Variants in CAPN1 observed in about 807,000 individuals in gnomAD.
The protein encoded by CAPN1 is calpain 1, also known as calpain-1 catalytic subunit.
A neutral mutation model predicts 105.2 loss-of-function variants in CAPN1; 77 were observed. That is an observed-to-expected ratio of 0.73 (90% CI 0.61 to 0.88). The LOEUF (loss-of-function observed/expected upper bound fraction) is 0.88, where lower values mean the gene tolerates loss of function less well. CAPN1 is among the 40% of genes least tolerant of loss of function. CAPN1 has a pLI of 0.00. For synonymous variants in CAPN1, 355 were observed against 388.8 expected (o/e 0.91, Z 1.02); for missense variants, 833 against 976.6 (o/e 0.85, Z 1.96).
intron 11 of CAPN1, among the ~76,000 whole-genome samples, chr11:65,205,245 C>T (rs915122879): frequency 6.6e-6 from 1 of 152,178 alleles, no homozygotes; most frequent in Non-Finnish European, 1.5e-5. Context: ...GCCTGTCGGC[C>T]AAGGTGAGGC....
chr11:65,194,761 GA>G lies in CAPN1; in HGVS notation c.1165+6016del, dbSNP rs1207821204. Among the ~76,000 whole-genome samples, 743 of 152,220 alleles carry G rather than the reference GA, an allele frequency of 4.9e-3. 8 individuals carry two copies. Among genetic ancestry groups the G allele is most frequent in the African/African-American group, 0.017 (717 of 41,508 alleles). ...TGATATGGATATACCACATTTTGCT[GA>G]TTCATTCATCAGTTGATGGACATTT... On this transcript the variant is annotated intron_variant, in intron 10 of 21. Transcript: ENST00000279247.
At chr11:65,195,370 C>T (rs1396807442) in intron 10 of CAPN1, among the ~76,000 whole-genome samples, 1 of 152,158 alleles carries the variant, frequency 6.6e-6, no homozygotes. Context: ...TCGTGATCTG[C>T]CCACGTCAGC....
rs147218993 is a variant in CAPN1 at position 65,186,356 on chromosome 11, C to T, written c.759+18C>T. ...CCATAGACGTGAGTGTGCCCGGCCC[C>T]GATGCTTTGGTACCCTGGAACCCTG... On this transcript the variant is annotated intron_variant, in intron 6 of 21. Coordinates refer to ENST00000279247, the MANE Select transcript of CAPN1 (RefSeq NM_005186.4). The T allele has an allele frequency of 3.9e-4, 618 of 1,599,070 alleles. 5 individuals are homozygous for T. In the East Asian group the frequency reaches 0.012, roughly 31 times the overall value.
rs73480945 is a variant in CAPN1 at position 65,204,295 on chromosome 11, G to C, written c.1166-388G>C. On this transcript the variant is annotated intron_variant, in intron 10 of 21. Coordinates refer to ENST00000279247, the MANE Select transcript of CAPN1 (RefSeq NM_005186.4). ...CCTAGAGCCTCCGTAAGTGCTCCCT[G>C]TCCGCAGATGCGTGGGGCCCTTCCT... Among the ~76,000 whole-genome samples, 461 of 152,230 alleles carry C rather than the reference G, an allele frequency of 3.0e-3. 1 individual carries two copies. The highest frequency in any genetic ancestry group is 9.7e-3 in the African/African-American group (403 of 41,532).
At position 65,210,175 on chromosome 11, in the gene CAPN1, C is replaced by T; in HGVS notation, c.1942+79C>T. ...GCTCCTATGCCCCAGGCCCTTGTCCCTGGGGTGCTAGTGGTGACATGGTAA... is the reference window on the plus strand; with the variant it reads ...GCTCCTATGCCCCAGGCCCTTGTCCTTGGGGTGCTAGTGGTGACATGGTAA... On this transcript the variant is annotated intron_variant, in intron 19 of 21. Transcript: ENST00000279247. The surrounding 1 kb of genome is among the most constrained non-coding windows in gnomAD (Gnocchi z 4.3). The T allele has an allele frequency of 2.3e-6, 3 of 1,278,050 alleles. No individual in the cohort carries two copies. The highest frequency in any genetic ancestry group is 1.9e-4 in the Middle Eastern group (1 of 5,242). 79.2% of individuals were successfully genotyped at this position (1,278,050 alleles called of 1,614,324 possible). A position where few individuals can be genotyped will look rare whatever the true frequency, so the allele number is the denominator to read the frequency against.
At chr11:65,190,401 C>T (rs993347598) in intron 10 of CAPN1, among the ~76,000 whole-genome samples, 26 of 152,336 alleles carry the variant, frequency 1.7e-4, no homozygotes, top group Admixed American at 5.2e-4. Context: ...GCTCCCTGCC[C>T]TCTGTTTTGA....
In CAPN1 at chr11:65,209,612, C is replaced by T; in HGVS notation, c.1794+225C>T. The T allele has an allele frequency of 1.6e-6, 1 of 633,680 alleles. No homozygotes were observed. 39.3% of individuals were successfully genotyped at this position (633,680 alleles called of 1,614,324 possible). ...TGAAAGGTGGAGCAAGACCTGGGTC[C>T]CCATTGACCCTGAGGCTGGTGCTAT... On this transcript the variant is annotated intron_variant, in intron 17 of 21. Transcript: ENST00000279247. This position sits in a 1 kb window ranked among gnomAD's most constrained non-coding sequence, Gnocchi z 4.1.
intron 10 of CAPN1, among the ~76,000 whole-genome samples, chr11:65,191,242 C>T (rs113671039): frequency 0.044 from 6,757 of 152,170 alleles, 164 homozygotes; most frequent in African/African-American, 0.048. Context: ...AGAATTTATA[C>T]ATCTCTTGAG....
At chr11:65,187,808 C>T in intron 7 of CAPN1, 147 bp from the exon 8 acceptor site, 1 of 602,418 alleles carries the variant, frequency 1.7e-6, no homozygotes. Context: ...AATTGAATTG[C>T]TTGAACCCAG....
chr11:65,188,750 C>T lies in CAPN1; in HGVS notation c.1165+4C>T, dbSNP rs1590852055. ...GGGGGCTGCCGAAACTACCCAGGTG[C>T]ACAGGGGCGGGCTCTGGGTCTTGCT... is the stretch of plus-strand genomic sequence containing the variant. On this transcript the variant is annotated splice_donor_region_variant and intron_variant, in intron 10 of 21. Transcript: ENST00000279247. The surrounding 1 kb of genome is among the most constrained non-coding windows in gnomAD (Gnocchi z 5.5). 1.3e-6 allele frequency: 2 copies of T among 1,556,194 alleles called. No homozygotes were observed. Among genetic ancestry groups the T allele is most frequent in the Non-Finnish European group, 1.7e-6 (2 of 1,149,908 alleles).
chr11:65,188,324 G>GA lies in CAPN1; in HGVS notation c.930-90_930-89insA. ...TGAGGAGGCCACCTGGGCTGGGCCG[G>GA]GGGAAGACAGGCCAGGGTAGACAGG... On this transcript the variant is annotated intron_variant, in intron 8 of 21. Coordinates refer to ENST00000279247, the MANE Select transcript of CAPN1 (RefSeq NM_005186.4). This position sits in a 1 kb window ranked among gnomAD's most constrained non-coding sequence, Gnocchi z 5.5. The GA allele has an allele frequency of 1.6e-6, 2 of 1,223,396 alleles. No homozygotes were observed. The highest frequency in any genetic ancestry group is 2.3e-6 in the Non-Finnish European group (2 of 859,852). 75.8% of individuals were successfully genotyped at this position (1,223,396 alleles called of 1,614,324 possible). A position where few individuals can be genotyped will look rare whatever the true frequency, so the allele number is the denominator to read the frequency against.
intron 4 of CAPN1, among the ~76,000 whole-genome samples, chr11:65,185,168 C>G (rs1466173838): frequency 6.6e-6 from 1 of 151,886 alleles, no homozygotes; most frequent in Non-Finnish European, 1.5e-5. Flanking sequence ...AGCGTGGGGT[C>G]GGGAACCACA....
intron 10 of CAPN1, among the ~76,000 whole-genome samples, chr11:65,194,151 A>G (rs1359584838): frequency 6.6e-6 from 1 of 151,520 alleles, no homozygotes; most frequent in African/African-American, 2.4e-5. Flanking sequence ...TATTTTTAGT[A>G]GATACCAGGT....
In CAPN1 at chr11:65,182,870, C is replaced by T. The variant is rs770891480; in HGVS notation, c.169C>T (p.Arg57Cys). Residue 57 changes from arginine (R) to cysteine (C), a missense_variant, in exon 2 of 22, where the codon CGT becomes TGT. Physicochemically the swap from Arg to Cys is radical, Grantham distance 180. Coordinates refer to ENST00000279247, the MANE Select transcript of CAPN1 (RefSeq NM_005186.4). ...ATGCCTGCAGAGTGGGACCCTCTTC[C>T]GTGATGAGGCCTTCCCCCCGGTACC... Reference protein sequence around the residue: ...VRCLQSGTLFRDEAFPPVPQS... With the variant: ...VRCLQSGTLFCDEAFPPVPQS... 4 of 1,602,434 alleles carry T rather than the reference C, an allele frequency of 2.5e-6. No individual in the cohort carries two copies. Among genetic ancestry groups the T allele is most frequent in the East Asian group, 2.3e-5 (1 of 44,236 alleles).
rs1948680703 is a variant in CAPN1, at chr11:65,188,840, A to G, written c.1165+94A>G. ...CTGAGCCTCCGTTTCCTCACTTGCA[A>G]GATATAGGCTGATCTCTTGAATTTG... On this transcript the variant is annotated intron_variant, in intron 10 of 21. Transcript: ENST00000279247. The surrounding 1 kb of genome is among the most constrained non-coding windows in gnomAD (Gnocchi z 5.5). The G allele has an allele frequency of 2.9e-6, 3 of 1,019,546 alleles. No individual in the cohort carries two copies. The highest frequency in any genetic ancestry group is 4.3e-6 in the Non-Finnish European group (3 of 701,166). The allele number at this position is 1,019,546 out of a possible 1,614,324, so 63.2% of individuals were successfully genotyped here.
Position 65,204,682 on chromosome 11 carries a change from G to C in CAPN1, c.1166-1G>C. ...ATCCCCGCCTCCTCACCTGCCCGCA[G>C]CCACCTTCTGGGTGAACCCTCAGTT... On this transcript the variant is annotated splice_acceptor_variant, in intron 10 of 21. Transcript: ENST00000279247. LOFTEE classifies it high-confidence loss of function. The C allele has an allele frequency of 1.9e-6, 3 of 1,605,492 alleles. No individual in the cohort carries two copies. The highest frequency in any genetic ancestry group is 2.6e-6 in the Non-Finnish European group (3 of 1,173,502).
At chr11:65,182,234 G>A (rs1157813194) in intron 1 of CAPN1, 1 of 160,922 alleles carries the variant, frequency 6.2e-6, no homozygotes, top group Non-Finnish European at 1.4e-5. Context: ...AGCCTGCTGC[G>A]GGGGCCTGAG....
In CAPN1 at chr11:65,209,645, C is replaced by G. The variant is rs988505223; in HGVS notation, c.1795-204C>G. 1 of 641,180 alleles carries G rather than the reference C, an allele frequency of 1.6e-6. No homozygotes were observed. Among genetic ancestry groups the G allele is most frequent in the Non-Finnish European group, 2.8e-6 (1 of 362,644 alleles). 39.7% of individuals were successfully genotyped at this position (641,180 alleles called of 1,614,324 possible). Reference sequence around the variant, plus strand: ...CCCTGAGGCTGGTGCTATTTCTGACCCCTCCCCAGCCCACTCCACTGCAGC... The same window carrying G: ...CCCTGAGGCTGGTGCTATTTCTGACGCCTCCCCAGCCCACTCCACTGCAGC... On this transcript the variant is annotated intron_variant, in intron 17 of 21. Coordinates refer to ENST00000279247, the MANE Select transcript of CAPN1 (RefSeq NM_005186.4). The surrounding 1 kb of genome is among the most constrained non-coding windows in gnomAD (Gnocchi z 4.1).
rs770583521 is a variant in CAPN1 at position 65,211,838 on chromosome 11, C to G, written c.*552C>G. ...AGGAGCTGCCCAGCCTGTGGGCGGT[C>G]GGCCTTCCCTCCTTCGCTCCTTTTT... On this transcript the variant is annotated 3_prime_UTR_variant, in exon 22 of 22. Transcript: ENST00000279247. 1 of 158,812 alleles carries G rather than the reference C, an allele frequency of 6.3e-6. No homozygotes were observed. The highest frequency in any genetic ancestry group is 2.4e-5 in the African/African-American group (1 of 41,662). 9.8% of individuals were successfully genotyped at this position (158,812 alleles called of 1,614,324 possible).
Sources: allele counts gnomAD v4.1 joint callset (sites outside exome capture counted in the v4.1 genomes callset), GRCh38; gene constraint gnomAD v4.1.1; non-coding constraint Gnocchi (gnomAD v3.1); transcripts MANE v1.5; gene names NCBI Gene and HGNC (gene_info 2026-07-23, HGNC 2026-07-21).